Variants in TMTC2 observed in about 807,000 individuals in gnomAD.
TMTC2 encodes the protein transmembrane O-mannosyltransferase targeting cadherins 2.
Under a neutral mutation model 82.4 loss-of-function variants are expected in TMTC2, and 43 were observed. The ratio of observed to expected loss-of-function variants is 0.52; its 90% CI spans 0.41 to 0.67. The LOEUF is 0.67. Among genes scored for constraint, TMTC2 ranks in the 30% least tolerant of loss-of-function variants. The pLI is 0.00. For synonymous variants in TMTC2, 408 were observed against 381.9 expected (o/e 1.07, Z -0.80); for missense variants, 919 against 1,012.4 (o/e 0.91, Z 1.25).
intron 9 of TMTC2, among the ~76,000 whole-genome samples, chr12:83,046,425 C>T (rs1882129869): frequency 6.6e-6 from 1 of 152,134 alleles, no homozygotes; most frequent in Non-Finnish European, 1.5e-5. Flanking sequence ...CGGTTGGTGC[C>T]TTGCTCTCTA....
intron 11 of TMTC2, among the ~76,000 whole-genome samples, chr12:83,084,827 T>A (rs73134093): frequency 0.09 from 13,728 of 152,194 alleles, 836 homozygotes; most frequent in Non-Finnish European, 0.14. Flanking sequence ...TATAAATCAG[T>A]GATTTTGTGT....
chr12:82,856,942 A>T, intron 1 of TMTC2, 68 bp from the exon 2 acceptor site: 1 of 1,433,580 alleles, frequency 7.0e-7, no homozygotes. Context: ...GCAGTATCTT[A>T]TCAATGTCAT....
intron 1 of TMTC2, chr12:82,759,006 C>T (rs1044075966): frequency 6.6e-6 from 1 of 152,006 alleles, no homozygotes; most frequent in Admixed American, 6.6e-5. Flanking sequence ...CCTTAATTTC[C>T]GAGCATCAGT....
intron 7 of TMTC2, among the ~76,000 whole-genome samples, chr12:82,970,783 C>A (rs1232611796): frequency 6.6e-6 from 1 of 152,142 alleles, no homozygotes; most frequent in Non-Finnish European, 1.5e-5. Flanking sequence ...CTGTTTAGTT[C>A]TATCCTATTT....
intron 4 of TMTC2, among the ~76,000 whole-genome samples, chr12:82,957,304 T>G (rs1877666995): frequency 6.6e-6 from 1 of 151,932 alleles, no homozygotes; most frequent in Admixed American, 6.6e-5. Context: ...ACAACGAAAT[T>G]AAAACAGAAA....
intron 1 of TMTC2, among the ~76,000 whole-genome samples, chr12:82,845,226 CAAAAAAAAAAA>C (rs66859423): frequency 5.0e-4 from 23 of 45,564 alleles, no homozygotes; most frequent in African/African-American, 1.4e-3. Context: ...GTGACTGTCT[CAAAAAAAAAAA>C]AAAAAAAAAA....
chr12:83,039,735 G>T (rs1004724150), intron 9 of TMTC2, among the ~76,000 whole-genome samples: 3 of 152,058 alleles, frequency 2.0e-5, no homozygotes, highest in African/African-American at 2.4e-5. Flanking sequence ...TTATGTCAAC[G>T]TATAGAATTA....
chr12:83,085,513 G>A (rs1338102335), intron 11 of TMTC2, among the ~76,000 whole-genome samples: 1 of 152,098 alleles, frequency 6.6e-6, no homozygotes, highest in African/African-American at 2.4e-5. Flanking sequence ...CTTGTATGGA[G>A]AGTAATATTT....
intron 8 of TMTC2, among the ~76,000 whole-genome samples, chr12:82,987,904 C>T (rs1409556591): frequency 6.6e-6 from 1 of 152,096 alleles, no homozygotes; most frequent in Non-Finnish European, 1.5e-5. Context: ...GAATTTGTTG[C>T]TCCTGTCCTT....
At chr12:82,810,793 T>C (rs905153314) in intron 1 of TMTC2, among the ~76,000 whole-genome samples, 1 of 152,048 alleles carries the variant, frequency 6.6e-6, no homozygotes, top group East Asian at 1.9e-4. Flanking sequence ...TCTCACAAGA[T>C]CTGATGGTTT....
At chr12:82,923,001 G>A (rs1006608560) in intron 3 of TMTC2, among the ~76,000 whole-genome samples, 10 of 152,092 alleles carry the variant, frequency 6.6e-5, no homozygotes, top group Admixed American at 5.9e-4. Context: ...ATTTATGTGG[G>A]AGTGGGATTG....
chr12:82,877,057 AT>A (rs11362075), intron 2 of TMTC2, among the ~76,000 whole-genome samples: 65,795 of 150,646 alleles, frequency 0.44, 15,642 homozygotes, highest in African/African-American at 0.64. Flanking sequence ...GTGGTTACTA[AT>A]TTTTTTTTTT....
At chr12:82,997,217 C>A (rs1320198870) in intron 8 of TMTC2, among the ~76,000 whole-genome samples, 5 of 129,406 alleles carry the variant, frequency 3.9e-5, no homozygotes, top group African/African-American at 1.6e-4. Flanking sequence ...CTCTCTCTCT[C>A]TCTCTATATA....
At chr12:82,845,861 G>A (rs900115366) in intron 1 of TMTC2, among the ~76,000 whole-genome samples, 9 of 150,738 alleles carry the variant, frequency 6.0e-5, no homozygotes, top group Non-Finnish European at 1.2e-4. Flanking sequence ...ACATCTCTAG[G>A]TAACTCAAGT....
intron 9 of TMTC2, among the ~76,000 whole-genome samples, chr12:83,037,272 A>G (rs908853556): frequency 1.3e-5 from 2 of 152,188 alleles, no homozygotes; most frequent in African/African-American, 4.8e-5. Flanking sequence ...TGAATTGGTG[A>G]GTGGCCTGTA....
At chr12:82,877,575 C>G (rs1309699184) in intron 2 of TMTC2, among the ~76,000 whole-genome samples, 1 of 152,086 alleles carries the variant, frequency 6.6e-6, no homozygotes, top group African/African-American at 2.4e-5. Flanking sequence ...CTTCCTGTCT[C>G]CTCTTTCTCC....
chr12:82,983,723 G>C (rs1377169239), intron 7 of TMTC2, among the ~76,000 whole-genome samples: 2 of 151,898 alleles, frequency 1.3e-5, no homozygotes, highest in Non-Finnish European at 2.9e-5. Flanking sequence ...AAGATCCAAA[G>C]TGAATTTCAG....
chr12:83,127,418 G>A (rs541292249), intron 11 of TMTC2, among the ~76,000 whole-genome samples: 15 of 151,868 alleles, frequency 9.9e-5, no homozygotes, highest in East Asian at 1.9e-4. Context: ...TTCATAAAAC[G>A]GAAATGGCCA....
chr12:82,836,112 T>A (rs1870026059), intron 1 of TMTC2, among the ~76,000 whole-genome samples: 1 of 151,412 alleles, frequency 6.6e-6, no homozygotes, highest in Admixed American at 6.5e-5. Flanking sequence ...CATAAAATAG[T>A]TGAAACTTCG....
Sources: gnomAD v4.1 joint callset for allele counts (sites outside exome capture counted in the v4.1 genomes callset) on GRCh38, gnomAD v4.1.1 for gene constraint, MANE v1.5 for transcripts, NCBI Gene and HGNC (gene_info 2026-07-23, HGNC 2026-07-21) for gene names.